Variants in APLP2 observed in about 807,000 individuals in gnomAD.
APLP2 encodes amyloid beta precursor like protein 2.
A neutral mutation model predicts 89.9 loss-of-function variants in APLP2; 53 were observed. That is an observed-to-expected ratio of 0.59 (90% CI 0.47 to 0.74). The LOEUF (loss-of-function observed/expected upper bound fraction) is 0.74, where lower values mean the gene tolerates loss of function less well. Ranked by LOEUF, APLP2 falls within the 30% of genes least tolerant of loss-of-function variation. APLP2 has a pLI of 0.00. For missense variants in APLP2, 973 were observed against 975.9 expected (o/e 1.00, Z 0.04); for synonymous variants, 372 against 348.6 (o/e 1.07, Z -0.75).
At chr11:130,103,921 G>T (rs1488603088) in intron 1 of APLP2, among the ~76,000 whole-genome samples, 1 of 152,140 alleles carries the variant, frequency 6.6e-6, no homozygotes, top group East Asian at 1.9e-4. Flanking sequence ...TTAACTATAG[G>T]AGTTCATTCG....
intron 1 of APLP2, among the ~76,000 whole-genome samples, chr11:130,095,170 G>T (rs942548737): frequency 1.3e-5 from 2 of 152,210 alleles, no homozygotes; most frequent in African/African-American, 4.8e-5. Flanking sequence ...GGCTGAGGCG[G>T]AAGGATTGCC....
chr11:130,111,005 A>T (rs764399906), intron 3 of APLP2, among the ~76,000 whole-genome samples: 1 of 152,280 alleles, frequency 6.6e-6, no homozygotes, highest in Non-Finnish European at 1.5e-5. Flanking sequence ...CCAGGAGAAG[A>T]GTCTTCTGTT....
At chr11:130,099,022 C>T (rs757229853) in intron 1 of APLP2, among the ~76,000 whole-genome samples, 3 of 152,144 alleles carry the variant, frequency 2.0e-5, no homozygotes, top group African/African-American at 4.8e-5. Flanking sequence ...CTGCTCTGCA[C>T]GTACTAGTCA....
At chr11:130,076,130 A>G (rs1172940862) in intron 1 of APLP2, among the ~76,000 whole-genome samples, 1 of 152,188 alleles carries the variant, frequency 6.6e-6, no homozygotes, top group Non-Finnish European at 1.5e-5. Flanking sequence ...GCTGGAGTGC[A>G]GTGGTGCCAT....
intron 1 of APLP2, among the ~76,000 whole-genome samples, chr11:130,091,184 A>C (rs1236550812): frequency 1.0e-4 from 8 of 76,556 alleles, no homozygotes; most frequent in South Asian, 4.3e-4. Context: ...GGCGCCCCTC[A>C]CCTCCCGGAC....
At chr11:130,078,419 A>ACT (rs35310528) in intron 1 of APLP2, among the ~76,000 whole-genome samples, 37,957 of 150,420 alleles carry the variant, frequency 0.25, 7,023 homozygotes, top group African/African-American at 0.52. Context: ...TTGCCTTTTC[A>ACT]CTCTTAGTGA....
intron 1 of APLP2, 38 bp from the exon 2 acceptor site, chr11:130,109,391 T>C (rs758961318): frequency 2.3e-5 from 36 of 1,586,714 alleles, no homozygotes; most frequent in Non-Finnish European, 3.0e-5. Flanking sequence ...TGTGCTAGCC[T>C]TCTTGGAGTA....
chr11:130,119,550 C>G (rs1339127173), intron 3 of APLP2, among the ~76,000 whole-genome samples: 1 of 152,200 alleles, frequency 6.6e-6, no homozygotes, highest in African/African-American at 2.4e-5. Flanking sequence ...CCTCACAACC[C>G]TGATTATTTG....
At chr11:130,114,067 G>A (rs920080680) in intron 3 of APLP2, among the ~76,000 whole-genome samples, 5 of 152,236 alleles carry the variant, frequency 3.3e-5, no homozygotes, top group Admixed American at 2.6e-4. Flanking sequence ...CTACGTAACC[G>A]TGGTATAATC....
At chr11:130,124,269 T>C (rs984578107) in intron 7 of APLP2, among the ~76,000 whole-genome samples, 1 of 152,206 alleles carries the variant, frequency 6.6e-6, no homozygotes, top group Non-Finnish European at 1.5e-5. Context: ...TTGGGCAGTC[T>C]AGAATATTGA....
Position 130,141,666 on chromosome 11 carries a change from C to T in APLP2, c.1998+94C>T. 1 of 1,159,464 alleles carries T rather than the reference C, an allele frequency of 8.6e-7. No homozygotes were observed. Among genetic ancestry groups the T allele is most frequent in the Non-Finnish European group, 1.3e-6 (1 of 791,414 alleles). The allele number at this position is 1,159,464 out of a possible 1,614,324, so 71.8% of individuals were successfully genotyped here. A position where few individuals can be genotyped will look rare whatever the true frequency, so the allele number is the denominator to read the frequency against. On this transcript the variant is annotated intron_variant, in intron 15 of 16. Transcript: ENST00000338167. The surrounding 1 kb of genome is among the most constrained non-coding windows in gnomAD (Gnocchi z 4.2). ...GTTCAAGTAGAAAACGGGAGAGATG[C>T]CTGAGCTAATAAGGGTCCCTCATCC...
chr11:130,110,049 A>G (rs1000120947), intron 2 of APLP2, among the ~76,000 whole-genome samples: 11 of 152,220 alleles, frequency 7.2e-5, no homozygotes, highest in Non-Finnish European at 1.5e-4. Context: ...TACATTGGCC[A>G]GGGTACTCTC....
At chr11:130,114,447 G>C (rs1469659606) in intron 3 of APLP2, 1 of 152,214 alleles carries the variant, frequency 6.6e-6, no homozygotes, top group Non-Finnish European at 1.5e-5. Flanking sequence ...AGCAGGAGTA[G>C]TGCGATACCA....
chr11:130,121,045 A>G (rs1416002728), intron 4 of APLP2, among the ~76,000 whole-genome samples: 1 of 152,214 alleles, frequency 6.6e-6, no homozygotes, highest in Non-Finnish European at 1.5e-5. Flanking sequence ...GAGGATGTTA[A>G]GGAGGTGGCT....
At chr11:130,129,389 CATCG>C (rs1950691395) in intron 10 of APLP2, among the ~76,000 whole-genome samples, 183 bp downstream of exon 10, 1 of 152,212 alleles carries the variant, frequency 6.6e-6, no homozygotes, top group Admixed American at 6.5e-5. Flanking sequence ...CTAAGCATGA[CATCG>C]CTTTATGCCT....
At position 130,141,610 on chromosome 11, in the gene APLP2, A is replaced by C. The variant is rs762914342; in HGVS notation, c.1998+38A>C. ...CTCCAGAACCTAAGGTTTCCTGCCA[A>C]TCTTAGGTATTTCTCCTCTGGACCT... On this transcript the variant is annotated intron_variant, in intron 15 of 16. Coordinates refer to ENST00000338167, the MANE Select transcript of APLP2 (RefSeq NM_001142276.2). This position sits in a 1 kb window ranked among gnomAD's most constrained non-coding sequence, Gnocchi z 4.2. 1 of 1,575,172 alleles carries C rather than the reference A, an allele frequency of 6.3e-7. No individual in the cohort carries two copies. Among genetic ancestry groups the C allele is most frequent in the South Asian group, 1.1e-5 (1 of 90,252 alleles).
chr11:130,121,887 A>G, intron 5 of APLP2, 77 bp downstream of exon 5: 2 of 1,554,080 alleles, frequency 1.3e-6, no homozygotes, highest in Non-Finnish European at 1.7e-6. Context: ...GTTGGCTGCT[A>G]GTCCCTCACT....
At chr11:130,094,460 A>T (rs1394251738) in intron 1 of APLP2, among the ~76,000 whole-genome samples, 1 of 152,162 alleles carries the variant, frequency 6.6e-6, no homozygotes, top group African/African-American at 2.4e-5. Flanking sequence ...AAGTGCTGGG[A>T]TTACAGACGT....
intron 8 of APLP2, 117 bp downstream of exon 8, chr11:130,126,947 G>GTAACTCTCTCC: frequency 7.0e-7 from 1 of 1,432,476 alleles, no homozygotes; most frequent in Non-Finnish European, 9.6e-7. Context: ...ATAAGGACTG[G>GTAACTCTCTCC]TGAGTCAGGA....
Sources: gnomAD v4.1 joint callset for allele counts (sites outside exome capture counted in the v4.1 genomes callset) on GRCh38, gnomAD v4.1.1 for gene constraint, Gnocchi (gnomAD v3.1) non-coding constraint, MANE v1.5 for transcripts, NCBI Gene and HGNC (gene_info 2026-07-23, HGNC 2026-07-21) for gene names.